The following SMIM35 variants were observed in gnomAD, a reference collection of about 807,000 sequenced individuals.
The protein encoded by SMIM35 is small integral membrane protein 35, also known as TMPRSS4 antisense RNA 1 (non-protein coding).
chr11:118,052,412 C>T (rs1944231833), intron 1 of SMIM35, among the ~76,000 whole-genome samples: 1 of 152,106 alleles, frequency 6.6e-6, no homozygotes, highest in Admixed American at 6.5e-5. Flanking sequence ...AGATGTGTCT[C>T]CCACGCAGAG....
chr11:118,074,341 T>C (rs138108937), intron 1 of SMIM35, among the ~76,000 whole-genome samples: 252 of 150,960 alleles, frequency 1.7e-3, no homozygotes, highest in African/African-American at 5.9e-3. Flanking sequence ...AGAGAAGTAA[T>C]GGGAGGGAAA....
intron 1 of SMIM35, among the ~76,000 whole-genome samples, chr11:118,021,072 A>G (rs73011757): frequency 0.087 from 12,945 of 149,056 alleles, 835 homozygotes; most frequent in East Asian, 0.36. Flanking sequence ...ATTTATTAAG[A>G]TGGACATGAG....
chr11:118,083,241 C>T (rs1945292986), intron 1 of SMIM35, among the ~76,000 whole-genome samples: 1 of 152,212 alleles, frequency 6.6e-6, no homozygotes, highest in South Asian at 2.1e-4. Flanking sequence ...TGTAACTTCC[C>T]CCGTTCCTCC....
chr11:118,009,725 TAAAA>T (rs35140092), intron 4 of SMIM35, among the ~76,000 whole-genome samples: 1 of 135,278 alleles, frequency 7.4e-6, no homozygotes. Context: ...GCAGACGCTT[TAAAA>T]AAAAAAAAAA....
In SMIM35 at chr11:118,005,761, A is replaced by G. The variant is rs1001842546; in HGVS notation, c.*649T>C. ...ATCTTCACCTCTCCCCTGGACCACC[A>G]TGAGGCTCTGTCCTGCTCCTCTGCA... is the stretch of plus-strand genomic sequence containing the variant. On this transcript the variant is annotated 3_prime_UTR_variant, in exon 5 of 5. Transcript: ENST00000689828. 3 of 152,756 alleles carry G rather than the reference A, an allele frequency of 2.0e-5. No homozygotes were observed. The highest frequency in any genetic ancestry group is 7.2e-5 in the African/African-American group (3 of 41,456). 9.5% of individuals were successfully genotyped at this position (152,756 alleles called of 1,614,324 possible).
At chr11:118,044,789 A>AAAGG (rs56219743) in intron 1 of SMIM35, among the ~76,000 whole-genome samples, 12 of 100,790 alleles carry the variant, frequency 1.2e-4, no homozygotes, top group Admixed American at 3.3e-4. Context: ...AAAAAAAAAA[A>AAAGG]GTTCATTCTA....
intron 1 of SMIM35, among the ~76,000 whole-genome samples, chr11:118,073,595 G>A (rs544959795): frequency 7.2e-5 from 11 of 152,338 alleles, no homozygotes; most frequent in East Asian, 3.9e-4. Context: ...AAGTCTGAGC[G>A]TCAGGCTGGC....
chr11:118,057,701 C>T (rs1944335967), intron 1 of SMIM35, among the ~76,000 whole-genome samples: 1 of 152,134 alleles, frequency 6.6e-6, no homozygotes, highest in Non-Finnish European at 1.5e-5. Flanking sequence ...AGGGGATTCG[C>T]CTCGGAGGCT....
intron 1 of SMIM35, among the ~76,000 whole-genome samples, chr11:118,021,101 T>C (rs957991472): frequency 1.3e-5 from 2 of 151,514 alleles, no homozygotes; most frequent in African/African-American, 2.4e-5. Context: ...TTATGGCTGG[T>C]ATAAGAAAAG....
chr11:118,052,603 G>T (rs1464424806), intron 1 of SMIM35, among the ~76,000 whole-genome samples: 1 of 151,990 alleles, frequency 6.6e-6, no homozygotes, highest in African/African-American at 2.4e-5. Flanking sequence ...CACATAGAAT[G>T]CTTCTCTCCT....
intron 1 of SMIM35, among the ~76,000 whole-genome samples, chr11:118,074,748 G>GA (rs55685115): frequency 0.016 from 2,176 of 135,598 alleles, 81 homozygotes; most frequent in East Asian, 0.11. Context: ...CCCTGTCTCA[G>GA]AAAAAAAAAA....
chr11:118,015,980 C>T (rs1301823597), intron 1 of SMIM35, among the ~76,000 whole-genome samples, 171 bp from the exon 2 acceptor site: 5 of 152,232 alleles, frequency 3.3e-5, no homozygotes, highest in Non-Finnish European at 5.9e-5. Flanking sequence ...AAATGTCTGA[C>T]ACCTGAATTT....
intron 1 of SMIM35, among the ~76,000 whole-genome samples, chr11:118,064,801 G>A (rs929187714): frequency 6.6e-6 from 1 of 152,120 alleles, no homozygotes; most frequent in Non-Finnish European, 1.5e-5. Context: ...GTGCCACCAC[G>A]CCTGGCTACT....
intron 1 of SMIM35, among the ~76,000 whole-genome samples, chr11:118,078,587 T>C (rs896864622): frequency 2.0e-5 from 3 of 152,170 alleles, no homozygotes; most frequent in African/African-American, 7.2e-5. Flanking sequence ...GTTTGGCCTG[T>C]GTGCAGAGAC....
chr11:118,058,881 G>A (rs1944355498), intron 1 of SMIM35, among the ~76,000 whole-genome samples: 1 of 152,222 alleles, frequency 6.6e-6, no homozygotes, highest in Non-Finnish European at 1.5e-5. Context: ...TGCTTCTGAG[G>A]CTTTGCTGGT....
chr11:118,041,516 CAA>C (rs1391602450), intron 1 of SMIM35, among the ~76,000 whole-genome samples: 2 of 151,960 alleles, frequency 1.3e-5, no homozygotes, highest in African/African-American at 2.4e-5. Flanking sequence ...AATAATTCTA[CAA>C]ATATGTGGAA....
intron 1 of SMIM35, among the ~76,000 whole-genome samples, chr11:118,060,488 C>T (rs1235073392): frequency 6.6e-6 from 1 of 152,234 alleles, no homozygotes; most frequent in African/African-American, 2.4e-5. Context: ...GCCTTTTCTT[C>T]CCAGGCCGGC....
chr11:118,084,897 C>A (rs1018292202), intron 1 of SMIM35, among the ~76,000 whole-genome samples: 2 of 152,176 alleles, frequency 1.3e-5, no homozygotes, highest in African/African-American at 4.8e-5. Flanking sequence ...GTGTCCCTGC[C>A]TCAGAGTTCA....
chr11:118,085,000 C>T (rs1464365684), intron 1 of SMIM35, among the ~76,000 whole-genome samples: 1 of 152,148 alleles, frequency 6.6e-6, no homozygotes, highest in Non-Finnish European at 1.5e-5. Flanking sequence ...ATGAGCAAGT[C>T]TGTAAAATCA....
Sources: gnomAD v4.1 joint callset for allele counts (sites outside exome capture counted in the v4.1 genomes callset) on GRCh38, gnomAD v4.1.1 for gene constraint, MANE v1.5 for transcripts, NCBI Gene and HGNC (gene_info 2026-07-23, HGNC 2026-07-21) for gene names.